The following GLIS2 variants were observed in gnomAD, a reference collection of about 807,000 sequenced individuals.
GLIS2 encodes the protein zinc finger protein GLIS2.
In GLIS2, 14 loss-of-function variants were observed where a neutral mutation model predicts 35.6. That is an observed-to-expected ratio of 0.39 (90% CI 0.26 to 0.61). The LOEUF is 0.61. Among genes scored for constraint, GLIS2 ranks in the 20% least tolerant of loss-of-function variants. The probability of loss-of-function intolerance (pLI) is 0.48; values close to 1 mark genes in which losing one functional copy is unlikely to be tolerated. For missense variants in GLIS2, 675 were observed against 713.4 expected (o/e 0.95, Z 0.61); for synonymous variants, 368 against 325.1 (o/e 1.13, Z -1.42).
upstream of GLIS2, among the ~76,000 whole-genome samples, chr16:4,315,915 A>C (rs997502669): frequency 1.4e-5 from 2 of 146,116 alleles, no homozygotes; most frequent in African/African-American, 5.0e-5. Flanking sequence ...GGAGCGAGCG[A>C]GCGAGGGGAG....
At chr16:4,326,001 G>A (rs1941975292) in intron 1 of GLIS2, among the ~76,000 whole-genome samples, 1 of 150,694 alleles carries the variant, frequency 6.6e-6, no homozygotes, top group Non-Finnish European at 1.5e-5. Context: ...CACTTTGGGA[G>A]GCCGAGGTGG....
intron 1 of GLIS2, among the ~76,000 whole-genome samples, chr16:4,316,843 C>T (rs2053319032): frequency 6.6e-6 from 1 of 152,132 alleles, no homozygotes; most frequent in Non-Finnish European, 1.5e-5. Flanking sequence ...CCCTGCGGTC[C>T]GGGTGGACGC....
At chr16:4,331,747 G>A (rs552414832) in intron 1 of GLIS2, 3 of 178,976 alleles carry the variant, frequency 1.7e-5, no homozygotes, top group Non-Finnish European at 2.4e-5. Flanking sequence ...TTCGAGATCA[G>A]TTTGGGCAAC....
At chr16:4,327,027 G>C (rs895640820) in intron 1 of GLIS2, among the ~76,000 whole-genome samples, 1 of 152,092 alleles carries the variant, frequency 6.6e-6, no homozygotes, top group East Asian at 1.9e-4. Flanking sequence ...CAAAGTGCTG[G>C]GATTACAGGC....
At chr16:4,326,002 G>A (rs1168986913) in intron 1 of GLIS2, among the ~76,000 whole-genome samples, 4 of 150,866 alleles carry the variant, frequency 2.7e-5, no homozygotes, top group Non-Finnish European at 5.9e-5. Context: ...ACTTTGGGAG[G>A]CCGAGGTGGG....
chr16:4,336,343 C>T, intron 6 of GLIS2: 2 of 414,036 alleles, frequency 4.8e-6, no homozygotes, highest in Non-Finnish European at 9.1e-6. Context: ...GACGGGGTCT[C>T]ACCATGTTGG....
At chr16:4,324,740 T>C (rs937460661) in intron 1 of GLIS2, 1 of 152,248 alleles carries the variant, frequency 6.6e-6, no homozygotes, top group Non-Finnish European at 1.5e-5. Flanking sequence ...AAGCACTCAA[T>C]AGTGATTGGA....
upstream of GLIS2, among the ~76,000 whole-genome samples, chr16:4,315,748 C>T (rs1408577524): frequency 6.6e-6 from 1 of 151,086 alleles, no homozygotes; most frequent in Non-Finnish European, 1.5e-5. Context: ...CCCTCCCTCC[C>T]GGTGCCCGCT....
At position 4,336,788 on chromosome 16, in the gene GLIS2, G is replaced by A. The variant is rs1166186020; in HGVS notation, c.839G>A (p.Arg280His). ...CNKRYSNSSD[R>H]FKHTRTHYVD... is the part of the protein sequence containing the mutation. ...AAGCGCTATTCCAACTCCAGTGACC[G>A]CTTTAAGCACACGCGCACCCACTAT... is the stretch of plus-strand genomic sequence containing the variant. The change falls in exon 7 of 7, where the codon CGC becomes CAC. Residue 280 changes from arginine (R) to histidine (H), a missense_variant. Arg to His is a conservative substitution (Grantham distance 29). Coordinates refer to ENST00000433375, the MANE Select transcript of GLIS2 (RefSeq NM_032575.3). 4 of 1,611,490 alleles carry A rather than the reference G, an allele frequency of 2.5e-6. No individual in the cohort carries two copies. Among genetic ancestry groups the A allele is most frequent in the Non-Finnish European group, 3.4e-6 (4 of 1,179,062 alleles).
rs35674831 is a variant in GLIS2, at chr16:4,326,755, ATT to A, written c.-66-5440_-66-5439del. Among the ~76,000 whole-genome samples the A allele has an allele frequency of 6.5e-3, 714 of 110,038 alleles. 4 individuals are homozygous for A. Among genetic ancestry groups the A allele is most frequent in the East Asian group, 0.016 (60 of 3,656 alleles). 72.2% of individuals were successfully genotyped at this position (110,038 alleles called of 152,430 possible). ...CAGGTCCCTGCTTCCACGCCCAGCT[ATT>A]TTTTTTTTTTTTTTTTTTTCCGAGA... On this transcript the variant is annotated intron_variant, in intron 1 of 6. Transcript: ENST00000433375.
Position 4,337,022 on chromosome 16 carries a change from C to T in GLIS2, c.1073C>T (p.Pro358Leu). The T allele has an allele frequency of 6.2e-7, 1 of 1,600,848 alleles. No homozygotes were observed. The highest frequency in any genetic ancestry group is 8.5e-7 in the Non-Finnish European group (1 of 1,176,954). ...VSGAQIIIPN[P>L]AALFGGPGLP... ...GGGGCCCAGATCATCATCCCCAACC[C>T]AGCTGCCCTCTTTGGAGGCCCTGGC... is the stretch of plus-strand genomic sequence containing the variant. Residue 358 changes from proline (P) to leucine (L), a missense_variant, in exon 7 of 7, where the codon CCA becomes CTA. Pro to Leu is a moderately conservative substitution (Grantham distance 98). Transcript: ENST00000433375.
At chr16:4,327,214 G>A (rs551097675) in intron 1 of GLIS2, among the ~76,000 whole-genome samples, 47 of 152,340 alleles carry the variant, frequency 3.1e-4, no homozygotes, top group African/African-American at 7.9e-4. Context: ...TTTATTCAGA[G>A]CAGGACTCCA....
Position 4,332,517 on chromosome 16 carries a change from C to CTGT in GLIS2, c.172+65_172+66insTGT. On this transcript the variant is annotated intron_variant, in intron 2 of 6. Coordinates refer to ENST00000433375, the MANE Select transcript of GLIS2 (RefSeq NM_032575.3). This position sits in a 1 kb window ranked among gnomAD's most constrained non-coding sequence, Gnocchi z 5.4. ...CCAGTCATGGTGACAGGGAGAATGG[C>CTGT]CAAGTGTGTCCACCAGCATGTAGCT... 6.4e-7 allele frequency: 1 copy of CTGT among 1,554,234 alleles called. No individual in the cohort carries two copies. Among genetic ancestry groups the CTGT allele is most frequent in the Non-Finnish European group, 8.7e-7 (1 of 1,144,940 alleles).
At chr16:4,330,083 C>T (rs947818004) in intron 1 of GLIS2, among the ~76,000 whole-genome samples, 6 of 152,144 alleles carry the variant, frequency 3.9e-5, no homozygotes, top group African/African-American at 1.4e-4. Context: ...TTGAGACCAG[C>T]CTGGCCAACA....
At chr16:4,315,645 C>T (rs1477266737), upstream of GLIS2, among the ~76,000 whole-genome samples, 1 of 150,372 alleles carries the variant, frequency 6.7e-6, no homozygotes, top group Non-Finnish European at 1.5e-5. Flanking sequence ...TAGCGCTGCC[C>T]TCGGGCCGGG....
chr16:4,337,134 G>A lies in GLIS2; in HGVS notation c.1185G>A (p.Gly395=). 8 of 1,536,774 alleles carry A rather than the reference G, an allele frequency of 5.2e-6. No individual in the cohort carries two copies. The highest frequency in any genetic ancestry group is 7.0e-6 in the Non-Finnish European group (8 of 1,146,598). The part of the protein sequence containing the change: ...ACGNGGGSGG[G]GGMGPGLPGP... The stretch of plus-strand genomic sequence containing the variant: ...GCAACGGTGGGGGCAGTGGGGGTGG[G>A]GGGGGCATGGGCCCTGGGCTGCCAG... The change falls in exon 7 of 7, where the codon GGG becomes GGA. Residue 395 remains glycine, a synonymous_variant. Transcript: ENST00000433375.
At chr16:4,322,880 G>A (rs2053392971) in intron 1 of GLIS2, among the ~76,000 whole-genome samples, 1 of 152,202 alleles carries the variant, frequency 6.6e-6, no homozygotes, top group Non-Finnish European at 1.5e-5. Flanking sequence ...CAGGACTTAG[G>A]AGCTCCTTGT....
chr16:4,335,119 C>G lies in GLIS2; in HGVS notation c.582C>G (p.Val194=). 4.3e-6 allele frequency: 7 copies of G among 1,613,444 alleles called. No individual in the cohort carries two copies. In the South Asian group the frequency reaches 7.7e-5, roughly 18 times the overall value. ...TGGACCATGTCAACGATTACCATGTCAAGCCCGAGAAGGATGCGGGGTACT... is the reference window on the plus strand; with the variant it reads ...TGGACCATGTCAACGATTACCATGTGAAGCCCGAGAAGGATGCGGGGTACT... The part of the protein sequence containing the change: ...DLVDHVNDYH[V]KPEKDAGYCC... The change falls in exon 5 of 7, where the codon GTC becomes GTG. Residue 194 remains valine, a synonymous_variant. Transcript: ENST00000433375. The surrounding 1 kb of genome is among the most constrained non-coding windows in gnomAD (Gnocchi z 4.6).
chr16:4,319,700 G>T (rs1470571586), intron 1 of GLIS2, among the ~76,000 whole-genome samples: 1 of 152,218 alleles, frequency 6.6e-6, no homozygotes, highest in Non-Finnish European at 1.5e-5. Flanking sequence ...CTCTGCTGGG[G>T]GGCCAGCGTG....
Sources: gnomAD v4.1 joint callset for allele counts (sites outside exome capture counted in the v4.1 genomes callset) on GRCh38, gnomAD v4.1.1 for gene constraint, Gnocchi (gnomAD v3.1) non-coding constraint, MANE v1.5 for transcripts, NCBI Gene and HGNC (gene_info 2026-07-23, HGNC 2026-07-21) for gene names.